The following TACR3 variants were observed in gnomAD, a reference collection of about 807,000 sequenced individuals.
The protein encoded by TACR3 is neuromedin-K receptor.
TACR3 carries 34 observed loss-of-function variants against 35.0 expected under a neutral mutation model. The ratio of observed to expected loss-of-function variants is 0.97; its 90% confidence interval spans 0.74 to 1.30. The LOEUF (loss-of-function observed/expected upper bound fraction) is 1.30, where lower values mean the gene tolerates loss of function less well. TACR3 is among the 50% of genes most tolerant of loss of function. The pLI is 0.00. For missense variants in TACR3, 558 were observed against 591.7 expected, an observed-to-expected ratio of 0.94 and a Z score of 0.59; for synonymous variants, 233 against 221.1, an observed-to-expected ratio of 1.05 and a Z score of -0.48.
intron 4 of TACR3, among the ~76,000 whole-genome samples, chr4:103,590,952 A>T (rs998328052): frequency 6.6e-6 from 1 of 152,148 alleles, no homozygotes; most frequent in African/African-American, 2.4e-5. Flanking sequence ...TAGAGGCTGC[A>T]TGCTCTCTTA....
At position 103,589,671 on chromosome 4, in the gene TACR3, A is replaced by G; in HGVS notation, c.*11T>C. ...TGGTCTCACACTAATCTTTTACCTC[A>G]GGAAATGGAATTAAGAATATTCATC... On this transcript the variant is annotated 3_prime_UTR_variant, in exon 5 of 5. Transcript: ENST00000304883. 6.2e-7 allele frequency: 1 copy of G among 1,613,682 alleles called. No homozygotes were observed. Among genetic ancestry groups the G allele is most frequent in the Non-Finnish European group, 8.5e-7 (1 of 1,179,700 alleles).
intron 3 of TACR3, among the ~76,000 whole-genome samples, chr4:103,606,503 A>C (rs1397749894): frequency 6.6e-6 from 1 of 152,082 alleles, no homozygotes; most frequent in Non-Finnish European, 1.5e-5. Flanking sequence ...TATTTCACTG[A>C]GCAGTGGTTT....
intron 3 of TACR3, among the ~76,000 whole-genome samples, chr4:103,654,015 T>C (rs1364437969): frequency 7.0e-6 from 1 of 143,468 alleles, no homozygotes. Flanking sequence ...TCACACCAGT[T>C]AGAATGGCGA....
chr4:103,675,236 C>T (rs1266400850), intron 1 of TACR3, among the ~76,000 whole-genome samples: 2 of 152,152 alleles, frequency 1.3e-5, no homozygotes, highest in African/African-American at 2.4e-5. Context: ...AGTTTCCCTG[C>T]TGTGGCTCTT....
rs187425228 is a variant in TACR3, at chr4:103,664,328, A to C, written c.549-5925T>G. 9.2e-5 allele frequency among the ~76,000 whole-genome samples: 14 copies of C among 152,310 alleles called. No homozygotes were observed. The East Asian group carries it at 2.5e-3, about 27-fold the overall frequency. On this transcript the variant is annotated intron_variant, in intron 1 of 4. Coordinates refer to ENST00000304883, the MANE Select transcript of TACR3 (RefSeq NM_001059.3). Reference sequence around the variant, plus strand: ...GATGTAACTTTTGTCTGATGTCAATAAGAAAGCCTTTCCAATTTTGTAATT... The same window carrying C: ...GATGTAACTTTTGTCTGATGTCAATCAGAAAGCCTTTCCAATTTTGTAATT...
In TACR3 at chr4:103,589,588, AG is replaced by A; in HGVS notation, c.*93del. ...CCTAAAAATTGCTTTCTGTTTCTAG[AG>A]GGTATATAGGACAGGACTGGTAAAT... On this transcript the variant is annotated 3_prime_UTR_variant, in exon 5 of 5. Transcript: ENST00000304883. 6.9e-7 allele frequency: 1 copy of A among 1,442,924 alleles called. No homozygotes were observed. The highest frequency in any genetic ancestry group is 9.6e-7 in the Non-Finnish European group (1 of 1,036,712). The allele number at this position is 1,442,924 out of a possible 1,614,324, so 89.4% of individuals were successfully genotyped here.
chr4:103,662,975 G>A (rs917711069), intron 1 of TACR3, among the ~76,000 whole-genome samples: 7 of 152,098 alleles, frequency 4.6e-5, no homozygotes, highest in African/African-American at 1.7e-4. Flanking sequence ...TAAGACAGTG[G>A]GTACAGGTGG....
Position 103,673,398 on chromosome 4 carries a change from T to C in TACR3, c.549-14995A>G, listed in dbSNP as rs576495444. Among the ~76,000 whole-genome samples the C allele has an allele frequency of 3.9e-5, 6 of 152,264 alleles. No individual in the cohort carries two copies. The East Asian group carries it at 7.7e-4, about 20-fold the overall frequency. ...TTAGAGGACATTGTATGGTTATTAA[T>C]TGGCTTAATTTCAACATTGTTATAT... On this transcript the variant is annotated intron_variant, in intron 1 of 4. Transcript: ENST00000304883.
At chr4:103,674,490 T>C (rs1726124178) in intron 1 of TACR3, among the ~76,000 whole-genome samples, 1 of 152,170 alleles carries the variant, frequency 6.6e-6, no homozygotes, top group South Asian at 2.1e-4. Flanking sequence ...AGCTGATTAA[T>C]CATAGTTCCA....
At chr4:103,606,412 G>T (rs1267701177) in intron 3 of TACR3, among the ~76,000 whole-genome samples, 1 of 152,114 alleles carries the variant, frequency 6.6e-6, no homozygotes, top group East Asian at 1.9e-4. Flanking sequence ...AAATTACCTT[G>T]GGCAGTATGG....
At chr4:103,684,284 TAC>T (rs1722181585) in intron 1 of TACR3, among the ~76,000 whole-genome samples, 1 of 152,138 alleles carries the variant, frequency 6.6e-6, no homozygotes, top group African/African-American at 2.4e-5. Context: ...TCTCTATTCA[TAC>T]AATAGAAGAT....
intron 3 of TACR3, among the ~76,000 whole-genome samples, chr4:103,610,174 A>G (rs965728991): frequency 6.6e-5 from 10 of 151,874 alleles, no homozygotes; most frequent in African/African-American, 1.7e-4. Flanking sequence ...TCTGTTTTTA[A>G]TTTTTTGAGG....
intron 1 of TACR3, among the ~76,000 whole-genome samples, chr4:103,697,134 C>A (rs1043966100): frequency 6.6e-6 from 1 of 152,072 alleles, no homozygotes; most frequent in Non-Finnish European, 1.5e-5. Flanking sequence ...AGCACTTGGG[C>A]AATACAACTA....
At chr4:103,662,160 G>C (rs1457803565) in intron 1 of TACR3, among the ~76,000 whole-genome samples, 1 of 151,890 alleles carries the variant, frequency 6.6e-6, no homozygotes, top group Non-Finnish European at 1.5e-5. Flanking sequence ...GAAGAGTGAG[G>C]GTTGCAAAGA....
intron 3 of TACR3, among the ~76,000 whole-genome samples, chr4:103,636,231 AAAAC>A (rs1725186311): frequency 6.6e-6 from 1 of 151,994 alleles, no homozygotes; most frequent in Admixed American, 6.6e-5. Context: ...TGAATGCTAG[AAAAC>A]AAACCCATCT....
At position 103,589,429 on chromosome 4, in the gene TACR3, T is replaced by C. The variant is rs1233192551; in HGVS notation, c.*253A>G. The C allele has an allele frequency of 9.2e-6, 4 of 436,348 alleles. No homozygotes were observed. Among genetic ancestry groups the C allele is most frequent in the African/African-American group, 5.9e-5 (3 of 51,052 alleles). 27.0% of individuals were successfully genotyped at this position (436,348 alleles called of 1,614,324 possible). On this transcript the variant is annotated 3_prime_UTR_variant, in exon 5 of 5. Coordinates refer to ENST00000304883, the MANE Select transcript of TACR3 (RefSeq NM_001059.3). Reference sequence around the variant, plus strand: ...TTACAAGTATTTTCCTGACATATTTTTGTTCATTGCATATAATAATTTAGA... The same window carrying C: ...TTACAAGTATTTTCCTGACATATTTCTGTTCATTGCATATAATAATTTAGA...
At position 103,614,368 on chromosome 4, in the gene TACR3, A is replaced by ATT. The variant is rs34472683; in HGVS notation, c.889-22687_889-22686dup. On this transcript the variant is annotated intron_variant, in intron 3 of 4. Coordinates refer to ENST00000304883, the MANE Select transcript of TACR3 (RefSeq NM_001059.3). Reference sequence around the variant, plus strand: ...AGTAGTAAAGCCAAAAAACTGACAGATTTTTTTTTCCTTGATATTCTAAGG... The same window carrying ATT: ...AGTAGTAAAGCCAAAAAACTGACAGATTTTTTTTTTTCCTTGATATTCTAAGG... Among the ~76,000 whole-genome samples the ATT allele has an allele frequency of 3.3e-3, 495 of 151,712 alleles. 3 individuals are homozygous for ATT. Among genetic ancestry groups the ATT allele is most frequent in the African/African-American group, 0.011 (435 of 41,364 alleles).
rs528767701 is a variant in TACR3, at chr4:103,712,070, CAAGGT to C, written c.548+7053_548+7057del. ...ATATTGTGAAAATGGCCATACTGCC[CAAGGT>C]AATTTATAGATTCAATGCCATCCCC... On this transcript the variant is annotated intron_variant, in intron 1 of 4. Transcript: ENST00000304883. Among the ~76,000 whole-genome samples, 179 of 152,198 alleles carry C rather than the reference CAAGGT, an allele frequency of 1.2e-3. 1 individual carries two copies. The highest frequency in any genetic ancestry group is 4.1e-3 in the African/African-American group (171 of 41,534).
chr4:103,677,753 G>A (rs1427022931), intron 1 of TACR3, among the ~76,000 whole-genome samples: 2 of 151,998 alleles, frequency 1.3e-5, no homozygotes, highest in African/African-American at 4.8e-5. Context: ...ATAACTAATG[G>A]ATGCTGGGCT....
Sources: gnomAD v4.1 joint callset for allele counts (sites outside exome capture counted in the v4.1 genomes callset) on GRCh38, gnomAD v4.1.1 for gene constraint, MANE v1.5 for transcripts, NCBI Gene and HGNC (gene_info 2026-07-23, HGNC 2026-07-21) for gene names.